SYNCRIP: variants seen among roughly 807,000 people sequenced by gnomAD.
SYNCRIP encodes the protein synaptotagmin binding cytoplasmic RNA interacting protein, also known as heterogeneous nuclear ribonucleoprotein Q.
SYNCRIP carries 9 observed loss-of-function variants against 68.9 expected under a neutral mutation model. The observed-to-expected ratio is 0.13, with a 90% CI of 0.08 to 0.23. SYNCRIP has a LOEUF of 0.23. SYNCRIP is among the 10% of genes least tolerant of loss of function. The pLI, the probability that SYNCRIP is intolerant of heterozygous loss-of-function variation, is 1.00. For missense variants in SYNCRIP, 414 were observed against 770.6 expected (o/e 0.54, Z 5.48); for synonymous variants, 258 against 254.0 (o/e 1.02, Z -0.15).
chr6:85,637,045 A>G lies in SYNCRIP; in HGVS notation c.588T>C (p.Asp196=), dbSNP rs1808546632. The stretch of plus-strand genomic sequence containing the variant: ...AACCTCTATTGAGACCAGTGAGTGG[A>G]TCCATCATTAGACGAAGATCCCATA... ...GPIWDLRLMM[D]PLTGLNRGYA... The change falls in exon 6 of 11, where the codon GAT becomes GAC. Residue 196 remains aspartate, a synonymous_variant. Transcript: ENST00000369622. 1 of 1,614,046 alleles carries G rather than the reference A, an allele frequency of 6.2e-7. No individual in the cohort carries two copies. Among genetic ancestry groups the G allele is most frequent in the East Asian group, 2.2e-5 (1 of 44,882 alleles).
intron 6 of SYNCRIP, among the ~76,000 whole-genome samples, chr6:85,626,150 T>C (rs1807010730): frequency 1.3e-5 from 2 of 152,258 alleles, no homozygotes; most frequent in Non-Finnish European, 2.9e-5. Context: ...TACCTGAATG[T>C]AGCAGAGCTA....
chr6:85,623,327 G>A (rs1422561743), intron 7 of SYNCRIP, among the ~76,000 whole-genome samples: 1 of 151,904 alleles, frequency 6.6e-6, no homozygotes. Flanking sequence ...ACTCTGGGAG[G>A]CCGAGGCAAG....
intron 10 of SYNCRIP, among the ~76,000 whole-genome samples, chr6:85,617,763 T>C (rs1434703195): frequency 2.0e-5 from 3 of 152,232 alleles, no homozygotes; most frequent in Non-Finnish European, 1.5e-5. Flanking sequence ...ATCCTCTTCC[T>C]TTAAATTCCA....
upstream of SYNCRIP, chr6:85,642,950 T>G (rs1269684216): frequency 6.6e-6 from 1 of 152,284 alleles, no homozygotes; most frequent in Non-Finnish European, 1.5e-5. Context: ...CCAGTTCCAC[T>G]CGCCTCCGAG....
At chr6:85,640,069 T>A in intron 4 of SYNCRIP, 152 bp downstream of exon 4, 1 of 608,186 alleles carries the variant, frequency 1.6e-6, no homozygotes, top group South Asian at 2.2e-5. Flanking sequence ...TAGAAACAAA[T>A]AGTTTAAAAA....
At chr6:85,616,801 G>C (rs1805827115) in intron 10 of SYNCRIP, among the ~76,000 whole-genome samples, 1 of 152,086 alleles carries the variant, frequency 6.6e-6, no homozygotes, top group African/African-American at 2.4e-5. Context: ...TTTCTAAATA[G>C]TTCTCACCAG....
At chr6:85,611,027 A>G (rs549083923), downstream of SYNCRIP, 3 of 152,164 alleles carry the variant, frequency 2.0e-5, no homozygotes, top group African/African-American at 7.2e-5. Flanking sequence ...ATATATTCCA[A>G]TGAATACTTA....
downstream of SYNCRIP, chr6:85,609,267 TA>T (rs1248278993): frequency 6.6e-6 from 1 of 151,902 alleles, no homozygotes; most frequent in African/African-American, 2.4e-5. Flanking sequence ...AGAGACTACG[TA>T]AAATACTCTG....
At chr6:85,628,867 A>T (rs1807374252) in intron 6 of SYNCRIP, among the ~76,000 whole-genome samples, 2 of 152,190 alleles carry the variant, frequency 1.3e-5, no homozygotes, top group Non-Finnish European at 2.9e-5. Context: ...AAGTTACCAA[A>T]CGTATCATGA....
intron 7 of SYNCRIP, among the ~76,000 whole-genome samples, chr6:85,623,579 A>AAAAAAAAAAAAAAAACAC (rs1554184894): frequency 8.0e-6 from 1 of 125,758 alleles, no homozygotes; most frequent in Admixed American, 8.1e-5. Context: ...AAAAAAAAAA[A>AAAAAAAAAAAAAAAACAC]AAAACACTCT....
intron 6 of SYNCRIP, among the ~76,000 whole-genome samples, chr6:85,636,346 T>C (rs1808453050): frequency 6.6e-6 from 1 of 151,602 alleles, no homozygotes; most frequent in Non-Finnish European, 1.5e-5. Context: ...CTCGGGAGGC[T>C]GAGGCAGGAG....
At chr6:85,619,600 G>GA (rs1355014132) in intron 8 of SYNCRIP, among the ~76,000 whole-genome samples, 183 bp from the exon 9 acceptor site, 1 of 151,974 alleles carries the variant, frequency 6.6e-6, no homozygotes, top group Non-Finnish European at 1.5e-5. Flanking sequence ...GGATCATGTT[G>GA]AAAGACCTGA....
upstream of SYNCRIP, chr6:85,643,283 C>T (rs929833827): frequency 6.6e-6 from 1 of 152,322 alleles, no homozygotes; most frequent in Non-Finnish European, 1.5e-5. Flanking sequence ...CCCGGTCCCC[C>T]AGTCCCTGCC....
At chr6:85,609,810 AC>A (rs2128273544), downstream of SYNCRIP, 1 of 151,948 alleles carries the variant, frequency 6.6e-6, no homozygotes, top group African/African-American at 2.4e-5. Flanking sequence ...TACATTTTTT[AC>A]CCCAAGGAAG....
chr6:85,634,436 A>G (rs1475236813), intron 6 of SYNCRIP, among the ~76,000 whole-genome samples: 2 of 152,226 alleles, frequency 1.3e-5, no homozygotes, highest in Non-Finnish European at 1.5e-5. Context: ...GGATGACACC[A>G]CTAGCTAAAT....
At chr6:85,628,930 C>T (rs1305337462) in intron 6 of SYNCRIP, among the ~76,000 whole-genome samples, 5 of 152,206 alleles carry the variant, frequency 3.3e-5, no homozygotes, top group Non-Finnish European at 7.3e-5. Flanking sequence ...CAACCTACAG[C>T]ATACCACTAT....
chr6:85,633,083 T>A (rs1036976420), intron 6 of SYNCRIP, among the ~76,000 whole-genome samples: 21 of 150,604 alleles, frequency 1.4e-4, no homozygotes, highest in Non-Finnish European at 2.5e-4. Context: ...AAACCCTGTC[T>A]CTACTAAAAA....
At chr6:85,634,722 G>A (rs1808251431) in intron 6 of SYNCRIP, among the ~76,000 whole-genome samples, 1 of 152,132 alleles carries the variant, frequency 6.6e-6, no homozygotes. Context: ...GGATCATTCT[G>A]CATTTTCACT....
chr6:85,625,432 A>ATTGCTCTGTCCCCCAGGCT (rs1806926896), intron 6 of SYNCRIP, among the ~76,000 whole-genome samples: 2 of 150,466 alleles, frequency 1.3e-5, no homozygotes, highest in African/African-American at 2.4e-5. Context: ...TCCCCCAGGC[A>ATTGCTCTGTCCCCCAGGCT]GGAGTGCAGC....
Sources: allele counts gnomAD v4.1 joint callset (sites outside exome capture counted in the v4.1 genomes callset), GRCh38; gene constraint gnomAD v4.1.1; transcripts MANE v1.5; gene names NCBI Gene and HGNC (gene_info 2026-07-23, HGNC 2026-07-21).